Variants in LCLAT1 observed in about 807,000 individuals in gnomAD.
LCLAT1 encodes lysocardiolipin acyltransferase 1.
Under a neutral mutation model 30.7 loss-of-function variants are expected in LCLAT1, and 11 were observed. The ratio of observed to expected loss-of-function variants is 0.36; its 90% CI spans 0.23 to 0.59. The LOEUF is 0.59. LCLAT1 is among the 20% of genes least tolerant of loss of function. The pLI is 0.77. For synonymous variants in LCLAT1, 155 were observed against 151.3 expected, an observed-to-expected ratio of 1.02 and a Z score of -0.18; for missense variants, 402 against 458.6, an observed-to-expected ratio of 0.88 and a Z score of 1.13.
chr2:30,551,287 A>G (rs890041608), intron 3 of LCLAT1, among the ~76,000 whole-genome samples: 1 of 152,198 alleles, frequency 6.6e-6, no homozygotes, highest in East Asian at 1.9e-4. Context: ...GATTATAGGC[A>G]TGAGCCACTG....
At chr2:30,571,047 C>T (rs1347411480) in intron 5 of LCLAT1, among the ~76,000 whole-genome samples, 1 of 152,138 alleles carries the variant, frequency 6.6e-6, no homozygotes, top group African/African-American at 2.4e-5. Context: ...ATTATTAAGA[C>T]TTGAGATCAT....
At chr2:30,590,745 A>G (rs1666656058) in intron 5 of LCLAT1, among the ~76,000 whole-genome samples, 1 of 151,984 alleles carries the variant, frequency 6.6e-6, no homozygotes, top group African/African-American at 2.4e-5. Flanking sequence ...TTAAATATAC[A>G]TAGAAAACTC....
At chr2:30,552,267 C>T (rs1490229439) in intron 3 of LCLAT1, among the ~76,000 whole-genome samples, 1 of 152,108 alleles carries the variant, frequency 6.6e-6, no homozygotes, top group African/African-American at 2.4e-5. Context: ...AAAATTGTAA[C>T]ATGACCAAGA....
At chr2:30,530,191 T>G (rs1172958822) in intron 2 of LCLAT1, among the ~76,000 whole-genome samples, 4 of 152,242 alleles carry the variant, frequency 2.6e-5, no homozygotes, top group Non-Finnish European at 5.9e-5. Flanking sequence ...AAAATTTTGT[T>G]AGATTTATTA....
At chr2:30,532,738 T>G (rs2148395860) in intron 2 of LCLAT1, among the ~76,000 whole-genome samples, 1 of 152,210 alleles carries the variant, frequency 6.6e-6, no homozygotes, top group East Asian at 1.9e-4. Context: ...TTTTTTCCCC[T>G]GTACCCAGTG....
intron 1 of LCLAT1, among the ~76,000 whole-genome samples, chr2:30,480,667 C>T (rs1433017895): frequency 6.6e-6 from 1 of 152,094 alleles, no homozygotes; most frequent in African/African-American, 2.4e-5. Context: ...GCGAGGGGAT[C>T]AATTGAGGCC....
At chr2:30,586,823 C>T (rs919029110) in intron 5 of LCLAT1, among the ~76,000 whole-genome samples, 1 of 152,046 alleles carries the variant, frequency 6.6e-6, no homozygotes, top group Non-Finnish European at 1.5e-5. Flanking sequence ...TGTCTTTAGT[C>T]TTTAAAAAGG....
intron 1 of LCLAT1, among the ~76,000 whole-genome samples, chr2:30,463,287 A>T (rs1250528678): frequency 6.6e-6 from 1 of 151,996 alleles, no homozygotes; most frequent in Non-Finnish European, 1.5e-5. Flanking sequence ...TTTTCACTTT[A>T]TATTATTAGG....
chr2:30,631,072 T>C (rs1475717938), intron 5 of LCLAT1, among the ~76,000 whole-genome samples: 1 of 152,172 alleles, frequency 6.6e-6, no homozygotes, highest in Admixed American at 6.6e-5. Context: ...TTAAACCAGG[T>C]TGAAAGGTAA....
chr2:30,623,041 A>G (rs1668338852), intron 5 of LCLAT1, among the ~76,000 whole-genome samples: 1 of 142,992 alleles, frequency 7.0e-6, no homozygotes, highest in Admixed American at 7.9e-5. Flanking sequence ...ATACCAATTC[A>G]AAGAATTTTT....
At chr2:30,548,220 G>A (rs745833859) in intron 3 of LCLAT1, among the ~76,000 whole-genome samples, 5 of 152,036 alleles carry the variant, frequency 3.3e-5, no homozygotes, top group Admixed American at 6.6e-5. Flanking sequence ...GAAAAGAATC[G>A]AACTCTGTAA....
intron 5 of LCLAT1, among the ~76,000 whole-genome samples, chr2:30,575,930 C>G (rs1248489106): frequency 1.3e-5 from 2 of 152,062 alleles, no homozygotes; most frequent in African/African-American, 4.8e-5. Flanking sequence ...CACTAGCCAG[C>G]TATAAAAATG....
chr2:30,517,977 T>G (rs1685270923), intron 1 of LCLAT1, among the ~76,000 whole-genome samples: 1 of 152,178 alleles, frequency 6.6e-6, no homozygotes, highest in Non-Finnish European at 1.5e-5. Context: ...TCAAAAATCC[T>G]TAACCCAATA....
intron 1 of LCLAT1, among the ~76,000 whole-genome samples, chr2:30,452,193 TATG>T (rs959114946): frequency 8.1e-4 from 123 of 152,140 alleles, no homozygotes; most frequent in African/African-American, 2.7e-3. Context: ...TATGTAAAAA[TATG>T]AGGATTGTGC....
chr2:30,629,242 AT>A lies in LCLAT1; in HGVS notation c.629-10869del, dbSNP rs368218770. Among the ~76,000 whole-genome samples the A allele has an allele frequency of 2.6e-3, 403 of 152,254 alleles. 3 individuals carry two copies. The highest frequency in any genetic ancestry group is 9.2e-3 in the African/African-American group (381 of 41,540). On this transcript the variant is annotated intron_variant, in intron 5 of 5. Transcript: ENST00000379509. Reference sequence around the variant, plus strand: ...ACCACAGTGTTTTTCCAATAAACTTATTTTTTCTCATCAAAGACATAAAAAT... The same window carrying A: ...ACCACAGTGTTTTTCCAATAAACTTATTTTTCTCATCAAAGACATAAAAAT...
At chr2:30,599,022 G>A (rs1277141185) in intron 5 of LCLAT1, among the ~76,000 whole-genome samples, 4 of 150,692 alleles carry the variant, frequency 2.7e-5, no homozygotes, top group Non-Finnish European at 5.9e-5. Context: ...CTCACTCTGG[G>A]TCCAGGCTAG....
At chr2:30,515,252 C>G (rs1023545208) in intron 1 of LCLAT1, among the ~76,000 whole-genome samples, 11 of 152,208 alleles carry the variant, frequency 7.2e-5, no homozygotes, top group Non-Finnish European at 1.0e-4. Context: ...ACCCTTAACA[C>G]CTGTTGCATA....
chr2:30,517,452 C>T (rs1685235257), intron 1 of LCLAT1, among the ~76,000 whole-genome samples: 2 of 152,218 alleles, frequency 1.3e-5, no homozygotes, highest in Non-Finnish European at 2.9e-5. Flanking sequence ...AGATGCTCTC[C>T]TCCCCCAATT....
At chr2:30,570,487 C>T (rs1665732378) in intron 5 of LCLAT1, among the ~76,000 whole-genome samples, 1 of 152,176 alleles carries the variant, frequency 6.6e-6, no homozygotes, top group Non-Finnish European at 1.5e-5. Context: ...ATCTTCACAA[C>T]AACTGTACAT....
Sources: gnomAD v4.1 joint callset for allele counts (sites outside exome capture counted in the v4.1 genomes callset) on GRCh38, gnomAD v4.1.1 for gene constraint, MANE v1.5 for transcripts, NCBI Gene and HGNC (gene_info 2026-07-23, HGNC 2026-07-21) for gene names.